The following GLT1D1 variants were observed in gnomAD, a reference collection of about 807,000 sequenced individuals.
GLT1D1 encodes the protein glycosyltransferase 1 domain containing 1, also known as glycosyltransferase 1 domain-containing protein 1.
GLT1D1 carries 21 observed loss-of-function variants against 28.7 expected under a neutral mutation model. The ratio of observed to expected loss-of-function variants is 0.73; its 90% CI spans 0.52 to 1.05. The LOEUF is 1.05. Among genes scored for constraint, GLT1D1 ranks in the 50% least tolerant of loss-of-function variants. The pLI, the probability that GLT1D1 is intolerant of heterozygous loss-of-function variation, is 0.00. For missense variants in GLT1D1, 343 were observed against 330.6 expected (o/e 1.04, Z -0.29); for synonymous variants, 147 against 124.8 (o/e 1.18, Z -1.19).
intron 4 of GLT1D1, among the ~76,000 whole-genome samples, chr12:128,931,058 A>T (rs1440203939): frequency 6.7e-6 from 1 of 149,328 alleles, no homozygotes; most frequent in Non-Finnish European, 1.5e-5. Flanking sequence ...CTGGAGCGCA[A>T]TGGCGTGATC....
chr12:128,900,587 T>C (rs1870138288), intron 4 of GLT1D1, among the ~76,000 whole-genome samples: 1 of 152,092 alleles, frequency 6.6e-6, no homozygotes, highest in Non-Finnish European at 1.5e-5. Context: ...ATCTCAGTAT[T>C]AGAAAACCCA....
At chr12:128,948,151 C>G (rs1223622209) in intron 6 of GLT1D1, among the ~76,000 whole-genome samples, 1 of 152,152 alleles carries the variant, frequency 6.6e-6, no homozygotes, top group African/African-American at 2.4e-5. Flanking sequence ...GTAAAAGATC[C>G]TGGCAATCCT....
intron 4 of GLT1D1, chr12:128,944,289 C>G (rs1875733577): frequency 3.1e-6 from 2 of 650,354 alleles, no homozygotes; most frequent in East Asian, 3.3e-5. Context: ...CTGAAGCTTC[C>G]TGGCTTGTTT....
At chr12:128,890,521 G>C (rs1422546083) in intron 3 of GLT1D1, among the ~76,000 whole-genome samples, 1 of 152,046 alleles carries the variant, frequency 6.6e-6, no homozygotes, top group Non-Finnish European at 1.5e-5. Context: ...CGGTGACTCA[G>C]GCCTGTAATC....
At chr12:128,896,459 G>A (rs965974115) in intron 3 of GLT1D1, among the ~76,000 whole-genome samples, 2 of 151,342 alleles carry the variant, frequency 1.3e-5, no homozygotes, top group South Asian at 2.1e-4. Flanking sequence ...TACTTCATGC[G>A]TGCTTTAACC....
intron 4 of GLT1D1, among the ~76,000 whole-genome samples, chr12:128,936,375 C>T (rs1019499517): frequency 1.4e-4 from 21 of 152,200 alleles, no homozygotes; most frequent in South Asian, 4.1e-4. Context: ...AGGATGGTCT[C>T]GATCCCCTGA....
Position 128,936,178 on chromosome 12 carries a change from G to C in GLT1D1, c.376-9148G>C, listed in dbSNP as rs574676080. On this transcript the variant is annotated intron_variant, in intron 4 of 7. Transcript: ENST00000281703. ...TATCTTTTTTTTTTTTTTTTGAGAC[G>C]GAGTCTCACTCTGTTGCCCAGGCTG... is the stretch of plus-strand genomic sequence containing the variant. Among the ~76,000 whole-genome samples, 234 of 140,016 alleles carry C rather than the reference G, an allele frequency of 1.7e-3. 1 individual carries two copies. The highest frequency in any genetic ancestry group is 5.5e-3 in the African/African-American group (211 of 38,046). The allele number at this position is 140,016 out of a possible 152,430, so 91.9% of individuals were successfully genotyped here. A position where few individuals can be genotyped will look rare whatever the true frequency, so the allele number is the denominator to read the frequency against.
rs1462897704 is a variant in GLT1D1 at position 128,983,828 on chromosome 12, C to G, written c.*738C>G. 6 of 152,214 alleles carry G rather than the reference C, an allele frequency of 3.9e-5. No homozygotes were observed. Among genetic ancestry groups the G allele is most frequent in the African/African-American group, 1.4e-4 (6 of 41,450 alleles). The allele number at this position is 152,214 out of a possible 1,614,324, so 9.4% of individuals were successfully genotyped here. A position where few individuals can be genotyped will look rare whatever the true frequency, so the allele number is the denominator to read the frequency against. Reference sequence around the variant, plus strand: ...AGATGGAGGCCTGAGGCTTTGGGTCCAGGGTGGGCTCTTCCCCTTCCCACA... The same window carrying G: ...AGATGGAGGCCTGAGGCTTTGGGTCGAGGGTGGGCTCTTCCCCTTCCCACA... On this transcript the variant is annotated 3_prime_UTR_variant, in exon 8 of 8. Transcript: ENST00000281703. This position sits in a 1 kb window ranked among gnomAD's most constrained non-coding sequence, Gnocchi z 4.7.
At chr12:128,893,357 C>T (rs919682985) in intron 3 of GLT1D1, among the ~76,000 whole-genome samples, 5 of 151,952 alleles carry the variant, frequency 3.3e-5, no homozygotes, top group African/African-American at 7.3e-5. Context: ...CTATAGCACA[C>T]GATAGGTTAA....
chr12:128,866,137 T>G (rs1031266040), intron 1 of GLT1D1, among the ~76,000 whole-genome samples: 2 of 151,006 alleles, frequency 1.3e-5, no homozygotes, highest in Non-Finnish European at 1.5e-5. Context: ...GGCATGATCT[T>G]GGCTCACTGC....
At chr12:128,950,608 C>G (rs892459752) in intron 6 of GLT1D1, among the ~76,000 whole-genome samples, 1 of 151,664 alleles carries the variant, frequency 6.6e-6, no homozygotes, top group Non-Finnish European at 1.5e-5. Flanking sequence ...GTGATGGTGC[C>G]CCCCCCTCAC....
At chr12:128,864,497 G>A (rs1278590617) in intron 1 of GLT1D1, among the ~76,000 whole-genome samples, 3 of 152,216 alleles carry the variant, frequency 2.0e-5, no homozygotes, top group Non-Finnish European at 4.4e-5. Context: ...GGTCCGTGGA[G>A]ATCTTGTCTG....
intron 4 of GLT1D1, among the ~76,000 whole-genome samples, chr12:128,925,306 C>G (rs928432347): frequency 6.6e-6 from 1 of 152,140 alleles, no homozygotes; most frequent in Non-Finnish European, 1.5e-5. Flanking sequence ...CCCAAGCATC[C>G]ATTAGCTATT....
intron 2 of GLT1D1, among the ~76,000 whole-genome samples, chr12:128,884,691 G>T (rs148660088): frequency 1.8e-4 from 27 of 152,162 alleles, no homozygotes; most frequent in African/African-American, 6.3e-4. Flanking sequence ...GGCACTGCCT[G>T]TAATCCCAGC....
chr12:128,930,608 C>T (rs1334818125), intron 4 of GLT1D1: 7 of 152,316 alleles, frequency 4.6e-5, no homozygotes, highest in Non-Finnish European at 7.3e-5. Flanking sequence ...AGATGATCAT[C>T]CACAAACACT....
intron 4 of GLT1D1, among the ~76,000 whole-genome samples, chr12:128,921,089 T>C (rs1872618637): frequency 1.3e-5 from 2 of 152,202 alleles, no homozygotes; most frequent in Non-Finnish European, 2.9e-5. Flanking sequence ...CTTGAACACT[T>C]GATCAGGATT....
At chr12:128,903,017 G>A (rs1220496521) in intron 4 of GLT1D1, among the ~76,000 whole-genome samples, 13 of 142,410 alleles carry the variant, frequency 9.1e-5, no homozygotes, top group African/African-American at 2.4e-4. Flanking sequence ...GCAAGACTCC[G>A]TCTCAAAAAA....
chr12:128,884,975 A>C (rs1016663922), intron 2 of GLT1D1, among the ~76,000 whole-genome samples: 1 of 149,754 alleles, frequency 6.7e-6, no homozygotes, highest in Non-Finnish European at 1.5e-5. Context: ...GGCTGGTCTC[A>C]AACTCCTGGG....
At chr12:128,928,496 G>A (rs2135921305) in intron 4 of GLT1D1, among the ~76,000 whole-genome samples, 1 of 152,252 alleles carries the variant, frequency 6.6e-6, no homozygotes, top group South Asian at 2.1e-4. Context: ...GGCTGCACTG[G>A]TCATCTCATG....
Sources: allele counts gnomAD v4.1 joint callset (sites outside exome capture counted in the v4.1 genomes callset), GRCh38; gene constraint gnomAD v4.1.1; non-coding constraint Gnocchi (gnomAD v3.1); transcripts MANE v1.5; gene names NCBI Gene and HGNC (gene_info 2026-07-23, HGNC 2026-07-21).